The following FBXL7 variants were observed in gnomAD, a reference collection of about 807,000 sequenced individuals.
FBXL7 encodes F-box and leucine rich repeat protein 7.
In FBXL7, 12 loss-of-function variants were observed where a neutral mutation model predicts 38.3. The observed-to-expected ratio is 0.31, with a 90% CI of 0.20 to 0.51. The LOEUF (loss-of-function observed/expected upper bound fraction) is 0.51, where lower values mean the gene tolerates loss of function less well. FBXL7 is among the 20% of genes least tolerant of loss of function. FBXL7 has a pLI of 0.98. For synonymous variants in FBXL7, 297 were observed against 300.9 expected (o/e 0.99, Z 0.13); for missense variants, 567 against 676.4 (o/e 0.84, Z 1.79).
intron 2 of FBXL7, among the ~76,000 whole-genome samples, chr5:15,697,022 A>G (rs1743359951): frequency 6.6e-6 from 1 of 152,210 alleles, no homozygotes; most frequent in Admixed American, 6.5e-5. Context: ...TAGGTGATCA[A>G]TAAATGTTGC....
intron 2 of FBXL7, among the ~76,000 whole-genome samples, chr5:15,800,486 C>G (rs1285417129): frequency 6.6e-6 from 1 of 152,230 alleles, no homozygotes; most frequent in Non-Finnish European, 1.5e-5. Flanking sequence ...AACAAACCAA[C>G]TCTTCTCAAA....
chr5:15,877,414 C>T (rs923409299), intron 2 of FBXL7, among the ~76,000 whole-genome samples: 3 of 152,108 alleles, frequency 2.0e-5, no homozygotes, highest in Non-Finnish European at 4.4e-5. Context: ...TAATTTCCTT[C>T]TTGTTGCCTG....
intron 2 of FBXL7, among the ~76,000 whole-genome samples, chr5:15,641,827 A>G (rs1417950484): frequency 1.3e-5 from 2 of 152,094 alleles, no homozygotes; most frequent in Non-Finnish European, 2.9e-5. Flanking sequence ...ATCAGCTTGG[A>G]TGGATCTCCT....
chr5:15,858,038 G>A (rs1739322310), intron 2 of FBXL7, among the ~76,000 whole-genome samples: 1 of 152,018 alleles, frequency 6.6e-6, no homozygotes, highest in Non-Finnish European at 1.5e-5. Flanking sequence ...TCACCAGTAT[G>A]CCAGTTTGGA....
intron 2 of FBXL7, among the ~76,000 whole-genome samples, chr5:15,710,209 A>G (rs1743818565): frequency 6.6e-6 from 1 of 152,120 alleles, no homozygotes; most frequent in South Asian, 2.1e-4. Flanking sequence ...TGTCCTTGCA[A>G]TACGGATAAG....
intron 2 of FBXL7, among the ~76,000 whole-genome samples, chr5:15,865,806 A>G (rs992883310): frequency 3.9e-5 from 6 of 152,160 alleles, no homozygotes; most frequent in African/African-American, 1.2e-4. Flanking sequence ...ACTTAGAGCT[A>G]TTTTCATCAT....
intron 2 of FBXL7, among the ~76,000 whole-genome samples, chr5:15,904,633 T>C (rs974164881): frequency 6.6e-6 from 1 of 152,134 alleles, no homozygotes; most frequent in South Asian, 2.1e-4. Flanking sequence ...GTATTTGATA[T>C]CTTGCACATT....
At chr5:15,871,293 A>G (rs1739951544) in intron 2 of FBXL7, among the ~76,000 whole-genome samples, 1 of 152,208 alleles carries the variant, frequency 6.6e-6, no homozygotes, top group Non-Finnish European at 1.5e-5. Context: ...GCTCCATCCA[A>G]AGGTCACCAA....
chr5:15,540,379 CT>C (rs1172935049), intron 1 of FBXL7, among the ~76,000 whole-genome samples: 4 of 152,104 alleles, frequency 2.6e-5, no homozygotes, highest in Admixed American at 2.0e-4. Context: ...CCACAGGTGT[CT>C]TTTTAGATTT....
At chr5:15,914,104 C>T (rs370072295) in intron 2 of FBXL7, among the ~76,000 whole-genome samples, 78 of 152,074 alleles carry the variant, frequency 5.1e-4, no homozygotes, top group Non-Finnish European at 9.3e-4. Context: ...AGCAGGGGGC[C>T]GGGCGGGCGT....
intron 2 of FBXL7, among the ~76,000 whole-genome samples, chr5:15,766,882 G>A (rs1211640347): frequency 6.6e-6 from 1 of 152,182 alleles, no homozygotes; most frequent in Non-Finnish European, 1.5e-5. Context: ...GTGACGAGCA[G>A]AACAACCTGA....
chr5:15,875,814 T>C (rs1441922745), intron 2 of FBXL7, among the ~76,000 whole-genome samples: 11 of 152,058 alleles, frequency 7.2e-5, no homozygotes, highest in Admixed American at 7.2e-4. Context: ...GGAGTGTAAA[T>C]TAGTTCAACC....
At chr5:15,714,899 ATCC>A (rs1283066299) in intron 2 of FBXL7, among the ~76,000 whole-genome samples, 3 of 151,604 alleles carry the variant, frequency 2.0e-5, no homozygotes, top group Non-Finnish European at 2.9e-5. Context: ...CATAGAAGAC[ATCC>A]TGATGACAGA....
At chr5:15,568,733 T>C (rs1038225582) in intron 1 of FBXL7, among the ~76,000 whole-genome samples, 17 of 152,354 alleles carry the variant, frequency 1.1e-4, no homozygotes, top group Admixed American at 9.1e-4. Context: ...GTCTAACATT[T>C]AAGTCTTTAA....
At chr5:15,681,153 T>C (rs75872990) in intron 2 of FBXL7, among the ~76,000 whole-genome samples, 1,674 of 152,318 alleles carry the variant, frequency 0.011, 18 homozygotes, top group Non-Finnish European at 0.017. Context: ...GGAGGACAAT[T>C]TGACAACTAG....
At chr5:15,699,526 A>G (rs1048647247) in intron 2 of FBXL7, among the ~76,000 whole-genome samples, 4 of 152,124 alleles carry the variant, frequency 2.6e-5, no homozygotes, top group Non-Finnish European at 5.9e-5. Context: ...ATGACCTAAC[A>G]CTTAAATAAT....
At chr5:15,914,230 C>CA (rs1400381185) in intron 2 of FBXL7, among the ~76,000 whole-genome samples, 1 of 151,808 alleles carries the variant, frequency 6.6e-6, no homozygotes, top group Non-Finnish European at 1.5e-5. Flanking sequence ...ACTAAACATA[C>CA]AAAAAATTAG....
intron 2 of FBXL7, among the ~76,000 whole-genome samples, chr5:15,710,198 A>G (rs1743818319): frequency 6.6e-6 from 1 of 152,126 alleles, no homozygotes; most frequent in South Asian, 2.1e-4. Flanking sequence ...AGTAGAGGCA[A>G]TGTCCTTGCA....
At chr5:15,562,173 T>C (rs985437268) in intron 1 of FBXL7, among the ~76,000 whole-genome samples, 2 of 152,032 alleles carry the variant, frequency 1.3e-5, no homozygotes, top group African/African-American at 4.8e-5. Flanking sequence ...GAATAAAATA[T>C]AGGGGAAAAT....
Sources: allele counts gnomAD v4.1 joint callset (sites outside exome capture counted in the v4.1 genomes callset), GRCh38; gene constraint gnomAD v4.1.1; transcripts MANE v1.5; gene names NCBI Gene and HGNC (gene_info 2026-07-23, HGNC 2026-07-21).